SDCBP2: variants seen among roughly 807,000 people sequenced by gnomAD.
SDCBP2 encodes syntenin-2.
Under a neutral mutation model 30.7 loss-of-function variants are expected in SDCBP2, and 28 were observed. That is an observed-to-expected ratio of 0.91 (90% confidence interval 0.68 to 1.25). The LOEUF (loss-of-function observed/expected upper bound fraction) is 1.25. Ranked by LOEUF, SDCBP2 falls within the 50% of genes most tolerant of loss-of-function variation. The pLI is 0.00. For missense variants in SDCBP2, 399 were observed against 379.0 expected, an observed-to-expected ratio of 1.05 and a Z score of -0.44; for synonymous variants, 166 against 157.3, an observed-to-expected ratio of 1.06 and a Z score of -0.41.
At chr20:1,327,917 ACTTT>A (rs1394779798) in intron 1 of SDCBP2, among the ~76,000 whole-genome samples, 1 of 152,242 alleles carries the variant, frequency 6.6e-6, no homozygotes, top group African/African-American at 2.4e-5. Context: ...CCCCAAATGT[ACTTT>A]CTTTGGGGGA....
rs1302392408 is a variant in SDCBP2, at chr20:1,312,774, A to G, written c.385-12T>C. 12 of 1,601,718 alleles carry G rather than the reference A, an allele frequency of 7.5e-6. No individual in the cohort carries two copies. The highest frequency in any genetic ancestry group is 1.1e-5 in the South Asian group (1 of 90,368). On this transcript the variant is annotated splice_polypyrimidine_tract_variant and intron_variant, in intron 5 of 8. Coordinates refer to ENST00000360779, the MANE Select transcript of SDCBP2 (RefSeq NM_080489.5). The stretch of plus-strand genomic sequence containing the variant: ...TGCACAAAGAGCCCCTGGGGGAGGC[A>G]GGGCCCCAGAGTCAGTGTCCCTGGC...
At position 1,313,451 on chromosome 20, in the gene SDCBP2, G is replaced by A; in HGVS notation, c.273C>T (p.Thr91=). 6.2e-7 allele frequency: 1 copy of A among 1,600,660 alleles called. No individual in the cohort carries two copies. Among genetic ancestry groups the A allele is most frequent in the Non-Finnish European group, 8.5e-7 (1 of 1,175,704 alleles). The part of the protein sequence containing the change: ...PGPGQMVAPV[T]GYSLGVRRAE... ...CTCGCCGCACGCCCAGGCTGTACCC[G>A]GTTACCGGTGCCACCATCTGGCCGG... Residue 91 remains threonine, a synonymous_variant, in exon 5 of 9, where the codon ACC becomes ACT. Transcript: ENST00000360779. This position sits in a 1 kb window ranked among gnomAD's most constrained non-coding sequence, Gnocchi z 5.2.
At position 1,329,016 on chromosome 20, in the gene SDCBP2, G is replaced by A. The variant is rs919529334; in HGVS notation, c.-20+69C>T. 1 of 152,422 alleles carries A rather than the reference G, an allele frequency of 6.6e-6. No individual in the cohort carries two copies. The highest frequency in any genetic ancestry group is 6.5e-5 in the Admixed American group (1 of 15,288). The allele number at this position is 152,422 out of a possible 1,614,324, so 9.4% of individuals were successfully genotyped here. A position where few individuals can be genotyped will look rare whatever the true frequency, so the allele number is the denominator to read the frequency against. On this transcript the variant is annotated intron_variant, in intron 1 of 8. Transcript: ENST00000360779. This position sits in a 1 kb window ranked among gnomAD's most constrained non-coding sequence, Gnocchi z 4.3. Reference sequence around the variant, plus strand: ...AAGGGAAGGGGCAGGGAGGGAAGGGGACAGGGTGAGAGCAGGTCTCACTCA... The same window carrying A: ...AAGGGAAGGGGCAGGGAGGGAAGGGAACAGGGTGAGAGCAGGTCTCACTCA...
rs374124264 is a variant in SDCBP2, at chr20:1,318,292, G to A, written c.225+26C>T. The A allele has an allele frequency of 7.4e-5, 112 of 1,507,154 alleles. 1 individual carries two copies. In the East Asian group the frequency reaches 1.7e-3, roughly 22 times the overall value. The allele number at this position is 1,507,154 out of a possible 1,614,324, so 93.4% of individuals were successfully genotyped here. A position where few individuals can be genotyped will look rare whatever the true frequency, so the allele number is the denominator to read the frequency against. On this transcript the variant is annotated intron_variant, in intron 4 of 8. Coordinates refer to ENST00000360779, the MANE Select transcript of SDCBP2 (RefSeq NM_080489.5). ...GGGAGGATTGGGAGGTTCTGCGCCC[G>A]CAGCAGGCAGAAGCCAAATACATAC...
chr20:1,313,412 G>A lies in SDCBP2; in HGVS notation c.312C>T (p.Pro104=), dbSNP rs771029978. 1.9e-6 allele frequency: 3 copies of A among 1,607,806 alleles called. No individual in the cohort carries two copies. Among genetic ancestry groups the A allele is most frequent in the Non-Finnish European group, 8.5e-7 (1 of 1,178,308 alleles). The part of the protein sequence containing the change: ...SLGVRRAEIK[P]GVREIHLCKD... ...TGCACAGGTGGATCTCGCGCACCCC[G>A]GGCTTGATCTCAGCTCGCCGCACGC... The change falls in exon 5 of 9, where the codon CCC becomes CCT. Residue 104 remains proline (P), a synonymous_variant. Coordinates refer to ENST00000360779, the MANE Select transcript of SDCBP2 (RefSeq NM_080489.5). The surrounding 1 kb of genome is among the most constrained non-coding windows in gnomAD (Gnocchi z 5.2).
intron 3 of SDCBP2, 99 bp from the exon 4 acceptor site, chr20:1,318,517 T>C (rs1600281565): frequency 5.8e-6 from 4 of 695,598 alleles, no homozygotes; most frequent in East Asian, 5.3e-5. Flanking sequence ...TATTAAGAAA[T>C]GGAGCCTGGG....
Position 1,320,507 on chromosome 20 carries a change from G to T in SDCBP2, c.-19-72C>A. 1.7e-6 allele frequency: 2 copies of T among 1,181,114 alleles called. No individual in the cohort carries two copies. Among genetic ancestry groups the T allele is most frequent in the Non-Finnish European group, 2.5e-6 (2 of 813,688 alleles). The allele number at this position is 1,181,114 out of a possible 1,614,324, so 73.2% of individuals were successfully genotyped here. ...CCCTTGAAAGGAGGCACAGACATCC[G>T]CAACAGCAAGCGGGTTGGAACTTAA... On this transcript the variant is annotated intron_variant, in intron 1 of 8. Transcript: ENST00000360779. This position sits in a 1 kb window ranked among gnomAD's most constrained non-coding sequence, Gnocchi z 4.7.
chr20:1,318,712 T>A (rs2088813878), intron 3 of SDCBP2, among the ~76,000 whole-genome samples: 1 of 152,220 alleles, frequency 6.6e-6, no homozygotes, highest in South Asian at 2.1e-4. Context: ...CCACCAGGAC[T>A]GGCAGGGTCC....
chr20:1,310,555 C>T (rs2088646763), intron 8 of SDCBP2, 60 bp from the exon 9 acceptor site: 3 of 1,523,046 alleles, frequency 2.0e-6, no homozygotes, highest in South Asian at 1.2e-5. Context: ...CTCCAGCAAC[C>T]TCCACCCCCT....
At position 1,318,304 on chromosome 20, in the gene SDCBP2, A is replaced by T; in HGVS notation, c.225+14T>A. 6.3e-7 allele frequency: 1 copy of T among 1,590,624 alleles called. No individual in the cohort carries two copies. The highest frequency in any genetic ancestry group is 8.6e-7 in the Non-Finnish European group (1 of 1,158,458). On this transcript the variant is annotated intron_variant, in intron 4 of 8. Transcript: ENST00000360779. ...AGGTTCTGCGCCCGCAGCAGGCAGA[A>T]GCCAAATACATACACTGTCACCCTC...
chr20:1,313,121 C>T lies in SDCBP2; in HGVS notation c.384+219G>A. The stretch of plus-strand genomic sequence containing the variant: ...GGGGAAGGGAGGCTCCTCCGAGCGA[C>T]GGAAGCCCACGGAGAGGCCAGTGGA... On this transcript the variant is annotated intron_variant, in intron 5 of 8. Transcript: ENST00000360779. This position sits in a 1 kb window ranked among gnomAD's most constrained non-coding sequence, Gnocchi z 5.2. The T allele has an allele frequency of 1.7e-6, 1 of 605,434 alleles. No homozygotes were observed. Among genetic ancestry groups the T allele is most frequent in the Non-Finnish European group, 2.9e-6 (1 of 345,076 alleles). 37.5% of individuals were successfully genotyped at this position (605,434 alleles called of 1,614,324 possible).
chr20:1,312,533 C>A, intron 6 of SDCBP2, 25 bp from the exon 7 acceptor site: 1 of 1,614,076 alleles, frequency 6.2e-7, no homozygotes, highest in Non-Finnish European at 8.5e-7. Context: ...AGTGAGCTGT[C>A]CTGGGGACAT....
intron 1 of SDCBP2, chr20:1,323,039 C>T (rs887454509): frequency 6.6e-6 from 1 of 152,226 alleles, no homozygotes; most frequent in Non-Finnish European, 1.5e-5. Context: ...GCAAATGGGG[C>T]TGTACGTGCT....
intron 1 of SDCBP2, among the ~76,000 whole-genome samples, chr20:1,327,269 G>A (rs2088942426): frequency 6.6e-6 from 1 of 152,166 alleles, no homozygotes; most frequent in Non-Finnish European, 1.5e-5. Context: ...CAGCAGGGCT[G>A]ACAAGGGGAC....
Position 1,313,050 on chromosome 20 carries a change from A to G in SDCBP2, c.385-288T>C. On this transcript the variant is annotated intron_variant, in intron 5 of 8. Transcript: ENST00000360779. The surrounding 1 kb of genome is among the most constrained non-coding windows in gnomAD (Gnocchi z 5.2). ...TGGGCTTCCCTGGCGTCGGCTGTCT[A>G]CACCGTCGCCTGGAAGCTAGATGCC... is the stretch of plus-strand genomic sequence containing the variant. 1.7e-6 allele frequency: 1 copy of G among 587,424 alleles called. No individual in the cohort carries two copies. The highest frequency in any genetic ancestry group is 2.0e-5 in the South Asian group (1 of 48,856). 36.4% of individuals were successfully genotyped at this position (587,424 alleles called of 1,614,324 possible). A position where few individuals can be genotyped will look rare whatever the true frequency, so the allele number is the denominator to read the frequency against.
At chr20:1,318,250 G>T in intron 4 of SDCBP2, 68 bp downstream of exon 4, 1 of 1,082,234 alleles carries the variant, frequency 9.2e-7, no homozygotes, top group African/African-American at 1.5e-5. Flanking sequence ...CTGTTGAAAT[G>T]GCAAGACCAG....
At chr20:1,314,589 C>CAAA (rs11473327) in intron 4 of SDCBP2, among the ~76,000 whole-genome samples, 161 of 99,330 alleles carry the variant, frequency 1.6e-3, no homozygotes, top group Admixed American at 2.2e-3. Context: ...TACAATCACT[C>CAAA]AAAAAAAAAA....
At position 1,312,551 on chromosome 20, in the gene SDCBP2, G is replaced by A. The variant is rs754103245; in HGVS notation, c.560+36C>T. On this transcript the variant is annotated intron_variant, in intron 6 of 8. Coordinates refer to ENST00000360779, the MANE Select transcript of SDCBP2 (RefSeq NM_080489.5). Reference sequence around the variant, plus strand: ...GAGCTGTCCTGGGGACATGGCTGGGGTGAGACGGAGAGGCTGCCCGGGCCT... The same window carrying A: ...GAGCTGTCCTGGGGACATGGCTGGGATGAGACGGAGAGGCTGCCCGGGCCT... The A allele has an allele frequency of 6.2e-6, 10 of 1,613,666 alleles. No homozygotes were observed. The Admixed American group carries it at 1.5e-4, about 24-fold the overall frequency.
chr20:1,317,822 G>C (rs2088799543), intron 4 of SDCBP2: 1 of 269,430 alleles, frequency 3.7e-6, no homozygotes, highest in South Asian at 3.9e-5. Context: ...AACTGGCAAG[G>C]GGCTTAGGCG....
Sources: allele counts gnomAD v4.1 joint callset (sites outside exome capture counted in the v4.1 genomes callset), GRCh38; gene constraint gnomAD v4.1.1; non-coding constraint Gnocchi (gnomAD v3.1); transcripts MANE v1.5; gene names NCBI Gene and HGNC (gene_info 2026-07-23, HGNC 2026-07-21).